The following HDAC9 variants were observed in gnomAD, a reference collection of about 807,000 sequenced individuals.
HDAC9 encodes the protein MEF-2 interacting transcription repressor (MITR) protein.
In HDAC9, 41 loss-of-function variants were observed where a neutral mutation model predicts 139.4. That is an observed-to-expected ratio of 0.29 (90% CI 0.23 to 0.38). The LOEUF (loss-of-function observed/expected upper bound fraction) is 0.38, where lower values mean the gene tolerates loss of function less well. Ranked by LOEUF, HDAC9 falls within the 10% of genes least tolerant of loss-of-function variation. HDAC9 has a pLI of 1.00. For missense variants in HDAC9, 1,147 were observed against 1,297.0 expected, an observed-to-expected ratio of 0.88 and a Z score of 1.78; for synonymous variants, 517 against 476.2, an observed-to-expected ratio of 1.09 and a Z score of -1.12.
chr7:18,987,837 T>A (rs928067511), intron 25 of HDAC9, among the ~76,000 whole-genome samples: 1 of 152,200 alleles, frequency 6.6e-6, no homozygotes, highest in Non-Finnish European at 1.5e-5. Context: ...TCTTCTAGAT[T>A]TTCTAGTTTA....
chr7:18,733,834 G>A (rs1269470577), intron 13 of HDAC9, among the ~76,000 whole-genome samples: 1 of 152,034 alleles, frequency 6.6e-6, no homozygotes. Context: ...AAATGTTCAA[G>A]GGGTTTAGCA....
At chr7:18,760,091 A>ATACG (rs1789247635) in intron 14 of HDAC9, among the ~76,000 whole-genome samples, 1 of 152,148 alleles carries the variant, frequency 6.6e-6, no homozygotes, top group Non-Finnish European at 1.5e-5. Flanking sequence ...GTATCAGCAT[A>ATACG]TACGATGTTA....
chr7:18,250,323 G>T (rs1794838505), intron 2 of HDAC9, among the ~76,000 whole-genome samples: 1 of 152,170 alleles, frequency 6.6e-6, no homozygotes, highest in Non-Finnish European at 1.5e-5. Context: ...TGGGCAACCA[G>T]AAACATATGT....
At chr7:18,887,687 A>C (rs963010538) in intron 22 of HDAC9, among the ~76,000 whole-genome samples, 1 of 152,226 alleles carries the variant, frequency 6.6e-6, no homozygotes, top group Admixed American at 6.5e-5. Context: ...TTGGAATCTT[A>C]TGTGAAAATT....
chr7:18,450,872 G>T (rs1792752706), intron 1 of HDAC9, among the ~76,000 whole-genome samples: 1 of 152,120 alleles, frequency 6.6e-6, no homozygotes, highest in Non-Finnish European at 1.5e-5. Context: ...TGACTGCTAT[G>T]CAACAAGACA....
chr7:18,995,511 G>A (rs1326490782), intron 25 of HDAC9, among the ~76,000 whole-genome samples: 1 of 152,178 alleles, frequency 6.6e-6, no homozygotes, highest in Non-Finnish European at 1.5e-5. Flanking sequence ...AAAATATTGG[G>A]TCTGTAGCAA....
At chr7:18,484,840 A>C (rs932389161) in intron 1 of HDAC9, among the ~76,000 whole-genome samples, 5 of 150,370 alleles carry the variant, frequency 3.3e-5, no homozygotes, top group Non-Finnish European at 4.5e-5. Context: ...ATGACAGAGC[A>C]AGACCCCACC....
intron 1 of HDAC9, among the ~76,000 whole-genome samples, chr7:18,477,285 A>C (rs963293663): frequency 6.6e-6 from 1 of 152,194 alleles, no homozygotes; most frequent in Non-Finnish European, 1.5e-5. Flanking sequence ...TATTAGGACA[A>C]TAATAATAGC....
chr7:18,831,645 C>A (rs1343886591), intron 19 of HDAC9, among the ~76,000 whole-genome samples: 1 of 152,172 alleles, frequency 6.6e-6, no homozygotes, highest in Non-Finnish European at 1.5e-5. Context: ...TCTGCAGCTG[C>A]AGGGCTACTT....
chr7:18,732,793 T>A (rs116997995), intron 13 of HDAC9, among the ~76,000 whole-genome samples: 4,003 of 45,160 alleles, frequency 0.089, 743 homozygotes, highest in African/African-American at 0.16. Flanking sequence ...ACACGTGTGT[T>A]TGTGTGCGTA....
chr7:18,462,744 C>T (rs1308608002), intron 1 of HDAC9, among the ~76,000 whole-genome samples: 1 of 151,906 alleles, frequency 6.6e-6, no homozygotes, highest in Non-Finnish European at 1.5e-5. Flanking sequence ...AATATCTACT[C>T]CATGACTGTG....
chr7:18,920,535 G>A (rs1471189223), intron 22 of HDAC9, among the ~76,000 whole-genome samples: 3 of 152,026 alleles, frequency 2.0e-5, no homozygotes, highest in African/African-American at 4.8e-5. Flanking sequence ...ACTATGTTGA[G>A]TAGGAGTGGT....
intron 2 of HDAC9, among the ~76,000 whole-genome samples, chr7:18,250,996 C>T (rs920015324): frequency 4.6e-5 from 7 of 151,832 alleles, no homozygotes; most frequent in Non-Finnish European, 1.5e-5. Context: ...TTCAGCAATC[C>T]CATTACTGGA....
chr7:18,723,433 T>C (rs758875705), intron 12 of HDAC9, among the ~76,000 whole-genome samples: 19 of 152,184 alleles, frequency 1.2e-4, no homozygotes, highest in Non-Finnish European at 2.2e-4. Flanking sequence ...TCCTTTGCTG[T>C]CTGTACAGTG....
At chr7:18,101,667 G>A (rs1015565512) in intron 1 of HDAC9, among the ~76,000 whole-genome samples, 1 of 152,060 alleles carries the variant, frequency 6.6e-6, no homozygotes, top group Non-Finnish European at 1.5e-5. Flanking sequence ...TATATTACAA[G>A]CATATTTTAA....
intron 1 of HDAC9, among the ~76,000 whole-genome samples, chr7:18,391,522 A>G (rs1786487494): frequency 6.6e-6 from 1 of 152,242 alleles, no homozygotes; most frequent in Admixed American, 6.5e-5. Context: ...GTTTACCTGC[A>G]TTAAACCTTG....
intron 1 of HDAC9, among the ~76,000 whole-genome samples, chr7:18,336,329 C>T (rs1432781580): frequency 6.6e-6 from 1 of 151,558 alleles, no homozygotes; most frequent in Non-Finnish European, 1.5e-5. Context: ...TATATCCTAA[C>T]CTCTCTCTTT....
At chr7:18,840,735 C>A (rs1562979580) in intron 21 of HDAC9, among the ~76,000 whole-genome samples, 1 of 152,012 alleles carries the variant, frequency 6.6e-6, no homozygotes, top group Non-Finnish European at 1.5e-5. Flanking sequence ...GTCTTGAGTT[C>A]ATATCTGTTT....
intron 21 of HDAC9, among the ~76,000 whole-genome samples, chr7:18,851,977 C>T (rs1232720999): frequency 6.6e-6 from 1 of 152,194 alleles, no homozygotes; most frequent in African/African-American, 2.4e-5. Context: ...GTGGGAAATA[C>T]CTTAGGAACC....
Sources: gnomAD v4.1 joint callset for allele counts (sites outside exome capture counted in the v4.1 genomes callset) on GRCh38, gnomAD v4.1.1 for gene constraint, MANE v1.5 for transcripts, NCBI Gene and HGNC (gene_info 2026-07-23, HGNC 2026-07-21) for gene names.